FMN1: variants seen among roughly 807,000 people sequenced by gnomAD.
FMN1 encodes the protein formin 1.
Under a neutral mutation model 132.4 loss-of-function variants are expected in FMN1, and 110 were observed. The ratio of observed to expected loss-of-function variants is 0.83; its 90% CI spans 0.71 to 0.97. FMN1 has a LOEUF of 0.97. Among genes scored for constraint, FMN1 ranks in the 50% least tolerant of loss-of-function variants. The pLI is 0.00. For synonymous variants in FMN1, 722 were observed against 651.7 expected (o/e 1.11, Z -1.64); for missense variants, 1,792 against 1,705.3 (o/e 1.05, Z -0.90).
chr15:32,884,338 C>A (rs201047304), intron 16 of FMN1, among the ~76,000 whole-genome samples: 2 of 152,154 alleles, frequency 1.3e-5, no homozygotes, highest in East Asian at 3.9e-4. Context: ...CCTTGGCTCA[C>A]GGCCCACTTC....
At chr15:33,071,176 A>G (rs2037984523) in intron 5 of FMN1, among the ~76,000 whole-genome samples, 1 of 152,222 alleles carries the variant, frequency 6.6e-6, no homozygotes, top group Admixed American at 6.5e-5. Flanking sequence ...AACAAAAAAC[A>G]ACAACCTTAT....
chr15:33,113,081 T>C (rs2039773880), intron 4 of FMN1, among the ~76,000 whole-genome samples: 1 of 152,170 alleles, frequency 6.6e-6, no homozygotes, highest in Non-Finnish European at 1.5e-5. Flanking sequence ...AACCAAAGTG[T>C]TTAACACCCC....
intron 19 of FMN1, among the ~76,000 whole-genome samples, chr15:32,785,956 G>A (rs1266059621): frequency 1.3e-5 from 2 of 152,160 alleles, no homozygotes; most frequent in African/African-American, 4.8e-5. Context: ...TTTAAAAAAA[G>A]ATTTTAATAT....
intron 15 of FMN1, among the ~76,000 whole-genome samples, chr15:32,889,248 T>C (rs146312235): frequency 3.3e-5 from 5 of 152,334 alleles, no homozygotes; most frequent in African/African-American, 1.2e-4. Context: ...CTGAGAAACA[T>C]CTTGAAGGAC....
At chr15:33,120,265 A>T (rs1050037374) in intron 4 of FMN1, among the ~76,000 whole-genome samples, 1 of 152,202 alleles carries the variant, frequency 6.6e-6, no homozygotes, top group African/African-American at 2.4e-5. Flanking sequence ...TAATTTGTTT[A>T]CAAAACTTGG....
At chr15:33,152,110 A>G (rs1477397734) in intron 4 of FMN1, among the ~76,000 whole-genome samples, 2 of 152,218 alleles carry the variant, frequency 1.3e-5, no homozygotes, top group African/African-American at 2.4e-5. Context: ...AGCATTGCCC[A>G]CATGCTGTTA....
chr15:33,079,054 T>C (rs1447857025), intron 5 of FMN1, among the ~76,000 whole-genome samples: 5 of 152,254 alleles, frequency 3.3e-5, no homozygotes, highest in African/African-American at 9.6e-5. Flanking sequence ...AATTCACTTA[T>C]ATACAATTCC....
Position 33,010,072 on chromosome 15 carries a change from C to G in FMN1, c.2162-1997G>C, listed in dbSNP as rs144981903. ...CTAATTTTTGTATTTTTAGTAGAGA[C>G]AGGGTTTTACTATGTTGGCCAGGCT... On this transcript the variant is annotated intron_variant, in intron 6 of 20. Transcript: ENST00000616417. Among the ~76,000 whole-genome samples the G allele has an allele frequency of 3.3e-3, 497 of 152,190 alleles. 3 individuals carry two copies. The highest frequency in any genetic ancestry group is 0.012 in the African/African-American group (480 of 41,520).
At chr15:32,884,350 T>A (rs903509089) in intron 16 of FMN1, among the ~76,000 whole-genome samples, 1 of 152,122 alleles carries the variant, frequency 6.6e-6, no homozygotes, top group African/African-American at 2.4e-5. Context: ...GCCCACTTCC[T>A]CCATCTTCAA....
intron 18 of FMN1, 29 bp downstream of exon 18, chr15:32,804,252 A>G: frequency 6.6e-7 from 1 of 1,521,238 alleles, no homozygotes; most frequent in Non-Finnish European, 8.9e-7. Flanking sequence ...AGTCAAAGAA[A>G]GAACTGGGGC....
intron 18 of FMN1, among the ~76,000 whole-genome samples, chr15:32,801,632 C>A (rs891576762): frequency 1.3e-5 from 2 of 151,820 alleles, no homozygotes; most frequent in African/African-American, 4.8e-5. Context: ...CAAAAACAAA[C>A]AAACAAAAAA....
chr15:32,979,091 G>A (rs1379370782), intron 7 of FMN1, among the ~76,000 whole-genome samples: 3 of 152,192 alleles, frequency 2.0e-5, no homozygotes, highest in Non-Finnish European at 4.4e-5. Context: ...AAGGGGCTCA[G>A]AGGAGTGGTT....
chr15:32,803,579 T>C (rs1280228967), intron 18 of FMN1, among the ~76,000 whole-genome samples: 1 of 152,160 alleles, frequency 6.6e-6, no homozygotes, highest in Non-Finnish European at 1.5e-5. Context: ...CCATACGCTG[T>C]ATGGGCATAT....
At chr15:32,956,274 A>G (rs951981594) in intron 9 of FMN1, among the ~76,000 whole-genome samples, 3 of 152,230 alleles carry the variant, frequency 2.0e-5, no homozygotes, top group Non-Finnish European at 1.5e-5. Flanking sequence ...CCAACAAGAG[A>G]AACATGGTTG....
intron 5 of FMN1, among the ~76,000 whole-genome samples, chr15:33,082,823 G>C (rs566720052): frequency 6.6e-6 from 1 of 152,066 alleles, no homozygotes; most frequent in South Asian, 2.1e-4. Flanking sequence ...TAATATCTAG[G>C]AGTGATAGAG....
chr15:33,056,477 A>C (rs1015972794), intron 6 of FMN1, among the ~76,000 whole-genome samples: 4 of 152,216 alleles, frequency 2.6e-5, no homozygotes, highest in Admixed American at 2.6e-4. Context: ...GTTACAGCTC[A>C]GTGTTTCCCT....
At chr15:32,850,830 A>ATTTTAG (rs1555472689) in intron 17 of FMN1, among the ~76,000 whole-genome samples, 1 of 151,966 alleles carries the variant, frequency 6.6e-6, no homozygotes, top group Non-Finnish European at 1.5e-5. Flanking sequence ...TTTAACTTTT[A>ATTTTAG]TTTTAGGTTT....
In FMN1 at chr15:33,162,402, A is replaced by G. The variant is rs147408749; in HGVS notation, c.-131-7357T>C. Among the ~76,000 whole-genome samples, 676 of 152,228 alleles carry G rather than the reference A, an allele frequency of 4.4e-3. 3 individuals carry two copies. Among genetic ancestry groups the G allele is most frequent in the Middle Eastern group, 0.017 (5 of 294 alleles). On this transcript the variant is annotated intron_variant, in intron 3 of 20. Transcript: ENST00000616417. The stretch of plus-strand genomic sequence containing the variant: ...CACAGCAGAAAGAGACCTATAAGGT[A>G]TCAAAGAACAAATCAGAGGAGTTAA...
At chr15:32,942,625 C>G (rs939870891) in intron 9 of FMN1, among the ~76,000 whole-genome samples, 1 of 152,202 alleles carries the variant, frequency 6.6e-6, no homozygotes, top group Non-Finnish European at 1.5e-5. Flanking sequence ...ATTTCTACAT[C>G]TACACCTTTG....
Sources: allele counts gnomAD v4.1 joint callset (sites outside exome capture counted in the v4.1 genomes callset), GRCh38; gene constraint gnomAD v4.1.1; transcripts MANE v1.5; gene names NCBI Gene and HGNC (gene_info 2026-07-23, HGNC 2026-07-21).